DGKD: variants seen among roughly 807,000 people sequenced by gnomAD.
DGKD encodes the protein DAG kinase delta.
A neutral mutation model predicts 154.4 loss-of-function variants in DGKD; 68 were observed. That is an observed-to-expected ratio of 0.44 (90% CI 0.36 to 0.54). The LOEUF (loss-of-function observed/expected upper bound fraction) is 0.54, where lower values mean the gene tolerates loss of function less well. Ranked by LOEUF, DGKD falls within the 20% of genes least tolerant of loss-of-function variation. The pLI is 0.00. For missense variants in DGKD, 1,343 were observed against 1,593.6 expected (o/e 0.84, Z 2.68); for synonymous variants, 693 against 638.0 (o/e 1.09, Z -1.30).
chr2:233,447,697 A>G, intron 12 of DGKD: 1 of 1,083,818 alleles, frequency 9.2e-7, no homozygotes, highest in East Asian at 8.2e-5. Context: ...GTGTGTGTCC[A>G]GATGGGGCTC....
chr2:233,437,059 C>G (rs2062721142), intron 7 of DGKD, among the ~76,000 whole-genome samples: 1 of 152,228 alleles, frequency 6.6e-6, no homozygotes, highest in Non-Finnish European at 1.5e-5. Context: ...CCCAGGAGCC[C>G]TCACCCTCGT....
chr2:233,452,151 G>A lies in DGKD; in HGVS notation c.2264+91G>A, dbSNP rs752664140. On this transcript the variant is annotated intron_variant, in intron 18 of 29. Transcript: ENST00000264057. The surrounding 1 kb of genome is among the most constrained non-coding windows in gnomAD (Gnocchi z 4.0). ...CTCAGGATTAACTAGAGAAATTAGT[G>A]AGCAGTTGCCCAGCTGGTGGTAGCT... 4.1e-6 allele frequency: 5 copies of A among 1,227,898 alleles called. No homozygotes were observed. Among genetic ancestry groups the A allele is most frequent in the African/African-American group, 3.0e-5 (2 of 67,102 alleles). The allele number at this position is 1,227,898 out of a possible 1,614,324, so 76.1% of individuals were successfully genotyped here.
chr2:233,405,818 T>C (rs2061673164), intron 3 of DGKD, among the ~76,000 whole-genome samples: 1 of 152,234 alleles, frequency 6.6e-6, no homozygotes, highest in African/African-American at 2.4e-5. Flanking sequence ...AGAGGGCTGC[T>C]TATGTGTAAT....
At chr2:233,416,573 A>G (rs1368946011) in intron 3 of DGKD, among the ~76,000 whole-genome samples, 2 of 152,254 alleles carry the variant, frequency 1.3e-5, no homozygotes, top group African/African-American at 4.8e-5. Flanking sequence ...CAGTGTTACT[A>G]TAGACGCCTT....
At chr2:233,376,572 T>C (rs1450555543) in intron 1 of DGKD, among the ~76,000 whole-genome samples, 1 of 152,196 alleles carries the variant, frequency 6.6e-6, no homozygotes, top group Non-Finnish European at 1.5e-5. Flanking sequence ...TAGGAGGTCA[T>C]TGTATGGATT....
At chr2:233,439,551 A>G (rs2062820456) in intron 9 of DGKD, among the ~76,000 whole-genome samples, 2 of 152,132 alleles carry the variant, frequency 1.3e-5, no homozygotes. Flanking sequence ...GCTGATCAAG[A>G]TATTTTAATT....
intron 1 of DGKD, among the ~76,000 whole-genome samples, chr2:233,383,651 G>A (rs1703014581): frequency 5.9e-5 from 9 of 152,328 alleles, no homozygotes; most frequent in Admixed American, 4.6e-4. Flanking sequence ...GCTCACGCGT[G>A]TGGTGTCCTT....
intron 3 of DGKD, among the ~76,000 whole-genome samples, chr2:233,423,813 C>T (rs1024063451): frequency 1.3e-5 from 2 of 152,110 alleles, no homozygotes; most frequent in South Asian, 4.1e-4. Context: ...TCCACCCACC[C>T]CCCCAGTATC....
rs182919437 is a variant in DGKD, at chr2:233,374,125, A to G, written c.157-14132A>G. On this transcript the variant is annotated intron_variant, in intron 1 of 29. Coordinates refer to ENST00000264057, the MANE Select transcript of DGKD (RefSeq NM_152879.3). The stretch of plus-strand genomic sequence containing the variant: ...GAGTGCAGTGGTGTGATCTCGGCTC[A>G]CTGCAACCTCCACCTCCCGGGTTCA... 3.2e-3 allele frequency among the ~76,000 whole-genome samples: 480 copies of G among 150,832 alleles called. 1 individual carries two copies. The highest frequency in any genetic ancestry group is 0.011 in the African/African-American group (446 of 40,956).
intron 1 of DGKD, among the ~76,000 whole-genome samples, chr2:233,360,753 C>A (rs574865593): frequency 1.3e-5 from 2 of 152,134 alleles, no homozygotes; most frequent in Admixed American, 6.5e-5. Flanking sequence ...GTGTTGGTTT[C>A]TTTATAAGAG....
chr2:233,443,042 G>GAGATC (rs2125618058), intron 10 of DGKD, among the ~76,000 whole-genome samples: 1 of 152,342 alleles, frequency 6.6e-6, no homozygotes, highest in African/African-American at 2.4e-5. Context: ...TGTGAGCACG[G>GAGATC]AGATCACTTC....
Position 233,441,332 on chromosome 2 carries a change from G to A in DGKD, c.1086-555G>A, listed in dbSNP as rs769090742. On this transcript the variant is annotated intron_variant, in intron 9 of 29. Transcript: ENST00000264057. This position sits in a 1 kb window ranked among gnomAD's most constrained non-coding sequence, Gnocchi z 5.6. ...GTGCTGCAGTGGGGACACGCAGCCC[G>A]CAGCAGGTCAGGCAGCCTGGGGCTC... Among the ~76,000 whole-genome samples, 3 of 152,200 alleles carry A rather than the reference G, an allele frequency of 2.0e-5. No individual in the cohort carries two copies. Among genetic ancestry groups the A allele is most frequent in the South Asian group, 4.1e-4 (2 of 4,834 alleles).
At chr2:233,407,259 C>T (rs554005942) in intron 3 of DGKD, among the ~76,000 whole-genome samples, 18 of 152,262 alleles carry the variant, frequency 1.2e-4, no homozygotes, top group South Asian at 6.2e-4. Context: ...GGATTTCAAA[C>T]GAGGCCAACT....
intron 10 of DGKD, among the ~76,000 whole-genome samples, chr2:233,444,195 G>A (rs2062989989): frequency 6.6e-6 from 1 of 152,044 alleles, no homozygotes; most frequent in Non-Finnish European, 1.5e-5. Context: ...TTTCCTTCGA[G>A]TCTGAAAACA....
intron 24 of DGKD, among the ~76,000 whole-genome samples, chr2:233,462,142 G>GA (rs2063664310): frequency 1.3e-5 from 2 of 152,184 alleles, no homozygotes. Flanking sequence ...ATTTCTCGTG[G>GA]AAGCCCTCCC....
intron 3 of DGKD, among the ~76,000 whole-genome samples, chr2:233,394,418 T>C (rs1559498454): frequency 6.6e-6 from 1 of 151,846 alleles, no homozygotes; most frequent in Admixed American, 6.6e-5. Flanking sequence ...AATTTTTACA[T>C]TTTTTTGTAG....
Position 233,452,027 on chromosome 2 carries a change from A to T in DGKD, c.2231A>T (p.Asn744Ile). The T allele has an allele frequency of 1.2e-6, 2 of 1,614,078 alleles. No homozygotes were observed. Among genetic ancestry groups the T allele is most frequent in the Non-Finnish European group, 1.7e-6 (2 of 1,179,976 alleles). Residue 744 changes from asparagine (N) to isoleucine (I), a missense_variant, in exon 18 of 30, where the codon AAT (asparagine) becomes ATT (isoleucine). Transcript: ENST00000264057. This position sits in a 1 kb window ranked among gnomAD's most constrained non-coding sequence, Gnocchi z 4.0. ...GGSVISRLLI[N>I]ADPFNSEPET... ...TCAGTCATCAGTCGCCTGTTAATTAATGCTGATCCCTTCAACTCTGAACCA... is the reference window on the plus strand; with the variant it reads ...TCAGTCATCAGTCGCCTGTTAATTATTGCTGATCCCTTCAACTCTGAACCA...
chr2:233,354,938 G>T lies in DGKD; in HGVS notation c.156+264G>T, dbSNP rs1000858351. On this transcript the variant is annotated intron_variant, in intron 1 of 29. Transcript: ENST00000264057. The surrounding 1 kb of genome is among the most constrained non-coding windows in gnomAD (Gnocchi z 4.8). Reference sequence around the variant, plus strand: ...TGGGCGCCCCGGGCGCCGCGCGCTGGGCGGGGGGCGCGCGCCGAGTTGGGC... The same window carrying T: ...TGGGCGCCCCGGGCGCCGCGCGCTGTGCGGGGGGCGCGCGCCGAGTTGGGC... Among the ~76,000 whole-genome samples, 2 of 147,858 alleles carry T rather than the reference G, an allele frequency of 1.4e-5. No homozygotes were observed. The highest frequency in any genetic ancestry group is 3.0e-5 in the Non-Finnish European group (2 of 66,600).
chr2:233,435,540 G>A (rs933556660), intron 5 of DGKD, among the ~76,000 whole-genome samples: 1 of 152,210 alleles, frequency 6.6e-6, no homozygotes, highest in African/African-American at 2.4e-5. Flanking sequence ...TGACAGAGTT[G>A]ATTAGTGGTG....
Sources: gnomAD v4.1 joint callset for allele counts (sites outside exome capture counted in the v4.1 genomes callset) on GRCh38, gnomAD v4.1.1 for gene constraint, Gnocchi (gnomAD v3.1) non-coding constraint, MANE v1.5 for transcripts, NCBI Gene and HGNC (gene_info 2026-07-23, HGNC 2026-07-21) for gene names.